The following IDH2 variants were observed in gnomAD, a reference collection of about 807,000 sequenced individuals.
The protein encoded by IDH2 is isocitrate dehydrogenase [NADP], mitochondrial.
Under a neutral mutation model 50.5 loss-of-function variants are expected in IDH2, and 18 were observed. The observed-to-expected ratio is 0.36, with a 90% confidence interval of 0.25 to 0.53. The LOEUF (loss-of-function observed/expected upper bound fraction) is 0.53, where lower values mean the gene tolerates loss of function less well. Ranked by LOEUF, IDH2 falls within the 20% of genes least tolerant of loss-of-function variation. IDH2 has a pLI of 0.92. For synonymous variants in IDH2, 280 were observed against 239.8 expected, an observed-to-expected ratio of 1.17 and a Z score of -1.55; for missense variants, 518 against 610.7, an observed-to-expected ratio of 0.85 and a Z score of 1.60.
intron 3 of IDH2, among the ~76,000 whole-genome samples, chr15:90,090,085 TTCCTCC>T (rs61447158): frequency 6.6e-6 from 1 of 151,340 alleles, no homozygotes; most frequent in Non-Finnish European, 1.5e-5. Flanking sequence ...CAGCATTACC[TTCCTCC>T]TCCTCCTCCT....
intron 3 of IDH2, among the ~76,000 whole-genome samples, 159 bp from the exon 4 acceptor site, chr15:90,088,906 ATTTTTTTTTTT>A (rs57901991): frequency 6.2e-5 from 6 of 96,488 alleles, no homozygotes; most frequent in Non-Finnish European, 1.0e-4. Context: ...GAGTCTGCCA[ATTTTTTTTTTT>A]TTTTTTTTTT....
In IDH2 at chr15:90,085,261, T is replaced by C. The variant is rs1180657495; in HGVS notation, c.1080+14A>G. 6.4e-7 allele frequency: 1 copy of C among 1,551,198 alleles called. No homozygotes were observed. The highest frequency in any genetic ancestry group is 1.4e-5 in the African/African-American group (1 of 73,182). On this transcript the variant is annotated intron_variant, in intron 8 of 10. Transcript: ENST00000330062. The surrounding 1 kb of genome is among the most constrained non-coding windows in gnomAD (Gnocchi z 5.5). ...GGTAGAGGGGCATTGTGAGGCCCCA[T>C]GCCCTGCACTCACCTTCTGGTGCTC...
intron 2 of IDH2, among the ~76,000 whole-genome samples, chr15:90,091,250 G>A (rs1267281386): frequency 2.6e-5 from 4 of 152,332 alleles, no homozygotes; most frequent in South Asian, 4.1e-4. Context: ...GAGGCAAAAC[G>A]TAGGGGATCA....
At chr15:90,096,675 A>G (rs906781395) in intron 1 of IDH2, among the ~76,000 whole-genome samples, 1 of 152,068 alleles carries the variant, frequency 6.6e-6, no homozygotes. Context: ...AGCACTGTGG[A>G]AGGCTGAGGC....
chr15:90,094,370 C>A (rs1349992710), intron 1 of IDH2, among the ~76,000 whole-genome samples: 1 of 152,200 alleles, frequency 6.6e-6, no homozygotes, highest in Non-Finnish European at 1.5e-5. Context: ...TGCCCACAGC[C>A]TGGGAAGAAG....
chr15:90,090,918 C>A (rs868080672), intron 2 of IDH2, among the ~76,000 whole-genome samples: 2 of 152,194 alleles, frequency 1.3e-5, no homozygotes, highest in South Asian at 2.1e-4. Flanking sequence ...TGTGTGCCCC[C>A]CTCACATGGC....
intron 1 of IDH2, among the ~76,000 whole-genome samples, chr15:90,099,554 A>G (rs1045081593): frequency 6.6e-6 from 1 of 152,084 alleles, no homozygotes; most frequent in African/African-American, 2.4e-5. Context: ...TGCAGCCTTG[A>G]CCTCCTGGGC....
Position 90,084,871 on chromosome 15 carries a change from C to T in IDH2, c.1216G>A (p.Val406Met). Reference protein sequence around the residue: ...QMLEKVCVETVESGAMTKDLA... With the variant: ...QMLEKVCVETMESGAMTKDLA... ...TCCTTGGTCATGGCTCCACTCTCCA[C>T]CGTCTCCACGCACACCTTCTCCAGC... The change falls in exon 10 of 11, where the codon GTG (valine) becomes ATG (methionine). Residue 406 changes from valine (V) to methionine (M), a missense_variant. Around this residue, in one of 5 missense-constraint regions of IDH2, gnomAD observed 135 missense variants for 167.6 expected, o/e 0.81. Transcript: ENST00000330062. The surrounding 1 kb of genome is among the most constrained non-coding windows in gnomAD (Gnocchi z 5.0). 1 of 1,614,088 alleles carries T rather than the reference C, an allele frequency of 6.2e-7. No individual in the cohort carries two copies. Among genetic ancestry groups the T allele is most frequent in the South Asian group, 1.1e-5 (1 of 91,088 alleles).
chr15:90,088,906 ATTT>A lies in IDH2; in HGVS notation c.374-162_374-160del, dbSNP rs57901991. On this transcript the variant is annotated intron_variant, in intron 3 of 10. Transcript: ENST00000330062. Reference sequence around the variant, plus strand: ...AATGTGTGGGCTCTGGAGTCTGCCAATTTTTTTTTTTTTTTTTTTTTTTTTGAG... The same window carrying A: ...AATGTGTGGGCTCTGGAGTCTGCCAATTTTTTTTTTTTTTTTTTTTTTGAG... 7.0e-3 allele frequency among the ~76,000 whole-genome samples: 674 copies of A among 96,478 alleles called. 1 individual carries two copies. Among genetic ancestry groups the A allele is most frequent in the African/African-American group, 0.022 (587 of 26,530 alleles). 63.3% of individuals were successfully genotyped at this position (96,478 alleles called of 152,430 possible).
chr15:90,098,822 G>A lies in IDH2; in HGVS notation c.115+3454C>T, dbSNP rs1011822126. 3.3e-5 allele frequency among the ~76,000 whole-genome samples: 5 copies of A among 152,182 alleles called. No individual in the cohort carries two copies. The highest frequency in any genetic ancestry group is 2.1e-4 in the South Asian group (1 of 4,826). ...GCCTCCCAAAGTCCTGGGAGCCACC[G>A]CACGCGGCCAGAACAGCCATTTTGG... is the stretch of plus-strand genomic sequence containing the variant. On this transcript the variant is annotated intron_variant, in intron 1 of 10. Coordinates refer to ENST00000330062, the MANE Select transcript of IDH2 (RefSeq NM_002168.4). The surrounding 1 kb of genome is among the most constrained non-coding windows in gnomAD (Gnocchi z 5.1).
chr15:90,088,397 C>G lies in IDH2; in HGVS notation c.640G>C (p.Ala214Pro). The G allele has an allele frequency of 6.2e-7, 1 of 1,614,146 alleles. No individual in the cohort carries two copies. The change falls in exon 5 of 11, where the codon GCA becomes CCA. Residue 214 changes from alanine (A) to proline (P), a missense_variant. Around this residue, in one of 5 missense-constraint regions of IDH2, gnomAD observed 207 missense variants for 208.6 expected, o/e 0.99. Transcript: ENST00000330062. ...TACATGCCCATGCCCACGCCGCCTG[C>G]GGGGAAGTTGTACACTTCCCACTCC... ...VKEWEVYNFP[A>P]GGVGMGMYNT...
chr15:90,088,565 TC>T, intron 4 of IDH2, 21 bp downstream of exon 4: 1 of 1,614,040 alleles, frequency 6.2e-7, no homozygotes, highest in Non-Finnish European at 8.5e-7. Context: ...GGTCAGTGGA[TC>T]CCCTCTCCAC....
chr15:90,089,883 G>C (rs192284783), intron 3 of IDH2, among the ~76,000 whole-genome samples: 110 of 152,322 alleles, frequency 7.2e-4, no homozygotes, highest in African/African-American at 2.6e-3. Flanking sequence ...CATGGGGACA[G>C]AGGCAGACCT....
At chr15:90,090,351 C>T (rs1596075891) in intron 3 of IDH2, 128 bp downstream of exon 3, 1 of 1,022,042 alleles carries the variant, frequency 9.8e-7, no homozygotes, top group East Asian at 2.6e-5. Context: ...AAAGCCCCAG[C>T]TCTGGAGCCT....
Position 90,100,706 on chromosome 15 carries a change from G to A in IDH2, c.115+1570C>T, listed in dbSNP as rs755726021. The A allele has an allele frequency of 8.1e-5, 75 of 929,862 alleles. 1 individual carries two copies. The highest frequency in any genetic ancestry group is 9.5e-5 in the Non-Finnish European group (74 of 779,260). The allele number at this position is 929,862 out of a possible 1,614,324, so 57.6% of individuals were successfully genotyped here. ...AAATATTCTTTCCTTGTCATCAAGG[G>A]GAATGCCAAGTATTCTGTCTCCAGC... On this transcript the variant is annotated intron_variant, in intron 1 of 10. Transcript: ENST00000330062. This position sits in a 1 kb window ranked among gnomAD's most constrained non-coding sequence, Gnocchi z 4.1.
In IDH2 at chr15:90,098,507, T is replaced by TATGTATGTATGTATGTATGC. The variant is rs1567259609; in HGVS notation, c.115+3749_115+3768dup. On this transcript the variant is annotated intron_variant, in intron 1 of 10. Transcript: ENST00000330062. This position sits in a 1 kb window ranked among gnomAD's most constrained non-coding sequence, Gnocchi z 5.1. Reference sequence around the variant, plus strand: ...GGACAGCAACTTTGTATATTTTATGTATGTATGTATGTATGTATGCATGCA... The same window carrying TATGTATGTATGTATGTATGC: ...GGACAGCAACTTTGTATATTTTATGTATGTATGTATGTATGTATGCATGTATGTATGTATGTATGCATGCA... 1.2e-4 allele frequency among the ~76,000 whole-genome samples: 5 copies of TATGTATGTATGTATGTATGC among 42,680 alleles called. No homozygotes were observed. Among genetic ancestry groups the TATGTATGTATGTATGTATGC allele is most frequent in the South Asian group, 7.1e-4 (1 of 1,404 alleles). The allele number at this position is 42,680 out of a possible 152,430, so 28.0% of individuals were successfully genotyped here.
intron 1 of IDH2, 147 bp from the exon 2 acceptor site, chr15:90,091,791 C>A: frequency 1.4e-6 from 1 of 727,396 alleles, no homozygotes; most frequent in Non-Finnish European, 2.5e-6. Flanking sequence ...GTCTGCAAAT[C>A]AGCTCCCTCA....
chr15:90,099,128 A>C (rs1901264210), intron 1 of IDH2, among the ~76,000 whole-genome samples: 1 of 152,186 alleles, frequency 6.6e-6, no homozygotes, highest in Non-Finnish European at 1.5e-5. Context: ...CCCTGAAGCT[A>C]GAATGCTCCC....
In IDH2 at chr15:90,090,630, G is replaced by A. The variant is rs369954527; in HGVS notation, c.222C>T (p.His74=). ...CAAAATACTTTAGCTGGATGTCCAC[G>A]TGGGGCAGGATGAGCTGGGGACAGA... ...QFIKEKLILP[H]VDIQLKYFDL... The change falls in exon 3 of 11, where the codon CAC becomes CAT. Residue 74 remains histidine (H), a synonymous_variant. Transcript: ENST00000330062. 6 of 1,614,082 alleles carry A rather than the reference G, an allele frequency of 3.7e-6. No homozygotes were observed. In the African/African-American group the frequency reaches 4.0e-5, roughly 11 times the overall value.
Sources: allele counts gnomAD v4.1 joint callset (sites outside exome capture counted in the v4.1 genomes callset), GRCh38; gene constraint gnomAD v4.1.1; regional missense constraint gnomAD v4.1.1; non-coding constraint Gnocchi (gnomAD v3.1); transcripts MANE v1.5; gene names NCBI Gene and HGNC (gene_info 2026-07-23, HGNC 2026-07-21).